The following CNTNAP2 variants were observed in gnomAD, a reference collection of about 807,000 sequenced individuals.
CNTNAP2 encodes the protein contactin-associated protein-like 2.
A neutral mutation model predicts 155.2 loss-of-function variants in CNTNAP2; 98 were observed. The ratio of observed to expected loss-of-function variants is 0.63; its 90% CI spans 0.54 to 0.75. The LOEUF (loss-of-function observed/expected upper bound fraction) is 0.75. CNTNAP2 is among the 30% of genes least tolerant of loss of function. The pLI, the probability that CNTNAP2 is intolerant of heterozygous loss-of-function variation, is 0.00. For missense variants in CNTNAP2, 1,727 were observed against 1,688.1 expected (o/e 1.02, Z -0.40); for synonymous variants, 651 against 631.2 (o/e 1.03, Z -0.47).
At chr7:146,136,625 G>A (rs988224651) in intron 1 of CNTNAP2, among the ~76,000 whole-genome samples, 5 of 151,866 alleles carry the variant, frequency 3.3e-5, no homozygotes, top group African/African-American at 1.2e-4. Context: ...GAAGCTCAGC[G>A]TTGGTGTGAT....
intron 21 of CNTNAP2, among the ~76,000 whole-genome samples, chr7:148,366,292 A>T (rs1798778295): frequency 6.1e-5 from 7 of 114,140 alleles, no homozygotes. Flanking sequence ...GTATGTGTAC[A>T]TGTATATATG....
At chr7:147,754,793 G>A (rs1230079328) in intron 13 of CNTNAP2, among the ~76,000 whole-genome samples, 1 of 151,942 alleles carries the variant, frequency 6.6e-6, no homozygotes, top group African/African-American at 2.4e-5. Context: ...ATGGGAGCAG[G>A]GAGAATAGAC....
At chr7:147,313,038 C>T (rs1297510957) in intron 9 of CNTNAP2, among the ~76,000 whole-genome samples, 3 of 134,024 alleles carry the variant, frequency 2.2e-5, no homozygotes, top group African/African-American at 6.2e-5. Flanking sequence ...TTTCATGTGT[C>T]TTTTGGCTGC....
At chr7:147,279,973 A>T (rs536544200) in intron 8 of CNTNAP2, among the ~76,000 whole-genome samples, 1 of 151,914 alleles carries the variant, frequency 6.6e-6, no homozygotes. Flanking sequence ...CTGTCTGCAG[A>T]GCACAGTGAA....
intron 13 of CNTNAP2, among the ~76,000 whole-genome samples, chr7:147,773,874 A>G (rs1797514479): frequency 6.6e-6 from 1 of 152,168 alleles, no homozygotes; most frequent in Non-Finnish European, 1.5e-5. Flanking sequence ...CAGAACCTAA[A>G]TGACTTGATT....
chr7:146,786,056 G>A (rs1802568927), intron 2 of CNTNAP2, among the ~76,000 whole-genome samples: 3 of 152,158 alleles, frequency 2.0e-5, no homozygotes, highest in Non-Finnish European at 2.9e-5. Context: ...CACATCAGCT[G>A]GTTGGTGAGT....
intron 8 of CNTNAP2, among the ~76,000 whole-genome samples, chr7:147,136,307 A>G (rs575386782): frequency 2.7e-4 from 41 of 152,026 alleles, no homozygotes; most frequent in Non-Finnish European, 4.9e-4. Flanking sequence ...CTGTTTTCTT[A>G]TACTCAAGTA....
chr7:147,753,124 C>A (rs1463608329), intron 13 of CNTNAP2, among the ~76,000 whole-genome samples: 1 of 152,180 alleles, frequency 6.6e-6, no homozygotes, highest in Non-Finnish European at 1.5e-5. Flanking sequence ...TCTTTCTCTT[C>A]TGTGATTTGA....
chr7:147,365,038 TA>T (rs1384374836), intron 9 of CNTNAP2, among the ~76,000 whole-genome samples: 1 of 152,142 alleles, frequency 6.6e-6, no homozygotes, highest in Non-Finnish European at 1.5e-5. Flanking sequence ...CTATGTAAGC[TA>T]GTGTGAATTT....
At chr7:147,886,616 G>A (rs1799604835) in intron 13 of CNTNAP2, among the ~76,000 whole-genome samples, 1 of 151,058 alleles carries the variant, frequency 6.6e-6, no homozygotes, top group African/African-American at 2.4e-5. Flanking sequence ...ACTGGCATTT[G>A]AGGTGTGACA....
chr7:148,191,600 A>T (rs1007804797), intron 18 of CNTNAP2, among the ~76,000 whole-genome samples: 2 of 152,198 alleles, frequency 1.3e-5, no homozygotes, highest in African/African-American at 4.8e-5. Flanking sequence ...GGTGCTGGTG[A>T]GGGCCCTCTT....
At chr7:146,696,711 A>C (rs918170503) in intron 1 of CNTNAP2, among the ~76,000 whole-genome samples, 2 of 152,098 alleles carry the variant, frequency 1.3e-5, no homozygotes, top group Non-Finnish European at 2.9e-5. Context: ...CATTTTGAAA[A>C]GTTGTATTTT....
chr7:147,386,849 C>A (rs1475006257), intron 9 of CNTNAP2, among the ~76,000 whole-genome samples: 1 of 152,130 alleles, frequency 6.6e-6, no homozygotes, highest in Non-Finnish European at 1.5e-5. Context: ...TATTTTCATG[C>A]TGCTGATAAA....
At chr7:147,376,412 G>A (rs1181895429) in intron 9 of CNTNAP2, among the ~76,000 whole-genome samples, 7 of 151,970 alleles carry the variant, frequency 4.6e-5, no homozygotes, top group Non-Finnish European at 4.4e-5. Flanking sequence ...AGGTTTCATC[G>A]AGGAAGTAGG....
At chr7:147,382,976 T>C (rs765962096) in intron 9 of CNTNAP2, among the ~76,000 whole-genome samples, 6 of 152,196 alleles carry the variant, frequency 3.9e-5, no homozygotes, top group Non-Finnish European at 7.3e-5. Context: ...TATTACTCTT[T>C]CTGTAGTTTA....
chr7:146,517,879 C>G lies in CNTNAP2; in HGVS notation c.98-256392C>G, dbSNP rs566520023. Among the ~76,000 whole-genome samples the G allele has an allele frequency of 5.9e-5, 9 of 151,820 alleles. No homozygotes were observed. In the East Asian group the frequency reaches 1.7e-3, roughly 29 times the overall value. On this transcript the variant is annotated intron_variant, in intron 1 of 23. Transcript: ENST00000361727. ...TACTATTTAGCAGCTGCATAATAGC[C>G]CATTATATGAATGCGCCATGACTTA...
intron 13 of CNTNAP2, among the ~76,000 whole-genome samples, chr7:147,757,059 G>A (rs965416682): frequency 2.0e-5 from 3 of 152,142 alleles, no homozygotes; most frequent in Non-Finnish European, 2.9e-5. Context: ...CTTTGAGACC[G>A]ATGGAATAAT....
At chr7:146,629,179 A>G (rs757065545) in intron 1 of CNTNAP2, among the ~76,000 whole-genome samples, 15 of 152,254 alleles carry the variant, frequency 9.9e-5, no homozygotes, top group Middle Eastern at 3.4e-3. Context: ...GTAACTTTAA[A>G]CAAGTTGGCA....
chr7:146,989,646 C>T (rs1798174775), intron 3 of CNTNAP2, among the ~76,000 whole-genome samples: 2 of 152,108 alleles, frequency 1.3e-5, no homozygotes, highest in South Asian at 4.1e-4. Flanking sequence ...AGGTTAGGAG[C>T]TTATAGTGCC....
Sources: allele counts gnomAD v4.1 joint callset (sites outside exome capture counted in the v4.1 genomes callset), GRCh38; gene constraint gnomAD v4.1.1; transcripts MANE v1.5; gene names NCBI Gene and HGNC (gene_info 2026-07-23, HGNC 2026-07-21).